The following SF3A3 variants were observed in gnomAD, a reference collection of about 807,000 sequenced individuals.
SF3A3 encodes the protein SAP 61.
Under a neutral mutation model 85.8 loss-of-function variants are expected in SF3A3, and 9 were observed. That is an observed-to-expected ratio of 0.10 (90% CI 0.06 to 0.18). SF3A3 has a LOEUF of 0.18. Among genes scored for constraint, SF3A3 ranks in the 10% least tolerant of loss-of-function variants. The pLI is 1.00. For missense variants in SF3A3, 306 were observed against 593.3 expected (o/e 0.52, Z 5.03); for synonymous variants, 195 against 204.4 (o/e 0.95, Z 0.39).
chr1:37,975,072 T>A (rs558703674), intron 12 of SF3A3, among the ~76,000 whole-genome samples: 1 of 152,062 alleles, frequency 6.6e-6, no homozygotes, highest in African/African-American at 2.4e-5. Flanking sequence ...ATCAAAAAAA[T>A]TTGCATAATG....
chr1:37,989,718 C>T (rs1646482111), intron 1 of SF3A3, 123 bp from the exon 2 acceptor site: 14 of 1,272,078 alleles, frequency 1.1e-5, no homozygotes, highest in Non-Finnish European at 1.5e-5. Flanking sequence ...TCTGGGGCTC[C>T]GGACCCCGGG....
chr1:37,980,251 C>T (rs6699209), intron 8 of SF3A3, among the ~76,000 whole-genome samples: 137,801 of 152,104 alleles, frequency 0.91, 62,559 homozygotes, highest in East Asian at 1. Flanking sequence ...ATGGAGAAAC[C>T]CTGTCCCCAC....
chr1:37,973,048 A>G (rs1646354320), intron 12 of SF3A3, among the ~76,000 whole-genome samples: 1 of 152,060 alleles, frequency 6.6e-6, no homozygotes, highest in Non-Finnish European at 1.5e-5. Context: ...GCATGGTGGC[A>G]CATGCTTGTA....
intron 12 of SF3A3, among the ~76,000 whole-genome samples, chr1:37,973,203 G>GA (rs917734143): frequency 1.3e-5 from 2 of 151,642 alleles, no homozygotes; most frequent in African/African-American, 4.8e-5. Context: ...AAAAGAAAAA[G>GA]AAAAAAAGAC....
chr1:37,960,253 T>A, intron 15 of SF3A3, 78 bp from the exon 16 acceptor site: 2 of 1,342,468 alleles, frequency 1.5e-6, no homozygotes, highest in Non-Finnish European at 2.1e-6. Flanking sequence ...CCTCTCTCCC[T>A]GCCATTAGGA....
chr1:37,958,080 G>T lies in SF3A3; in HGVS notation c.*106C>A, dbSNP rs1314192764. Reference sequence around the variant, plus strand: ...CTACAAGATGCATGCTAGACCATGAGACTACATAGCAAAGGGTCTTTAAGA... The same window carrying T: ...CTACAAGATGCATGCTAGACCATGATACTACATAGCAAAGGGTCTTTAAGA... On this transcript the variant is annotated 3_prime_UTR_variant, in exon 17 of 17. Transcript: ENST00000373019. 7 of 765,142 alleles carry T rather than the reference G, an allele frequency of 9.1e-6. No individual in the cohort carries two copies. The African/African-American group carries it at 1.0e-4, about 11-fold the overall frequency. 47.4% of individuals were successfully genotyped at this position (765,142 alleles called of 1,614,324 possible).
At chr1:37,976,441 T>A (rs963544954) in intron 12 of SF3A3, among the ~76,000 whole-genome samples, 7 of 152,280 alleles carry the variant, frequency 4.6e-5, no homozygotes, top group Admixed American at 4.6e-4. Context: ...CTAGCCCTAC[T>A]AAGTTTCTCA....
intron 11 of SF3A3, 29 bp from the exon 12 acceptor site, chr1:37,976,982 C>A: frequency 6.6e-7 from 1 of 1,503,776 alleles, no homozygotes; most frequent in South Asian, 1.1e-5. Flanking sequence ...CTGTTTCACT[C>A]AAGGATTCTC....
chr1:37,980,227 C>G (rs953011424), intron 8 of SF3A3, among the ~76,000 whole-genome samples: 3 of 152,088 alleles, frequency 2.0e-5, no homozygotes, highest in Admixed American at 2.0e-4. Flanking sequence ...GAATTTGAGA[C>G]CAGCCTGACA....
At chr1:37,962,965 G>A (rs895319160) in intron 15 of SF3A3, among the ~76,000 whole-genome samples, 2 of 151,800 alleles carry the variant, frequency 1.3e-5, no homozygotes, top group Non-Finnish European at 1.5e-5. Context: ...GCGTGCACCT[G>A]TAGTCCCAGC....
chr1:37,970,653 C>CT (rs1646332722), intron 12 of SF3A3, among the ~76,000 whole-genome samples: 2 of 152,202 alleles, frequency 1.3e-5, no homozygotes, highest in African/African-American at 4.8e-5. Flanking sequence ...TTATAACAAA[C>CT]TGTCTCTCAG....
chr1:37,979,568 G>A (rs781704512), intron 8 of SF3A3, 35 bp from the exon 9 acceptor site: 3 of 1,563,564 alleles, frequency 1.9e-6, no homozygotes, highest in Non-Finnish European at 2.6e-6. Context: ...TTAAGATCCA[G>A]GTTTAGGCCA....
rs1404983173 is a variant in SF3A3 at position 37,981,716 on chromosome 1, T to C, written c.551+13A>G. On this transcript the variant is annotated intron_variant, in intron 7 of 16. Coordinates refer to ENST00000373019, the MANE Select transcript of SF3A3 (RefSeq NM_006802.4). ...TCAAATCCAGGAGAGGCCTAGAAAC[T>C]ATTAATGCCTACCTCTTATACTCTG... 14 of 1,463,116 alleles carry C rather than the reference T, an allele frequency of 9.6e-6. No individual in the cohort carries two copies. Among genetic ancestry groups the C allele is most frequent in the Non-Finnish European group, 1.3e-5 (14 of 1,049,500 alleles). 90.6% of individuals were successfully genotyped at this position (1,463,116 alleles called of 1,614,324 possible).
At chr1:37,968,798 A>AG (rs1235301337) in intron 14 of SF3A3, among the ~76,000 whole-genome samples, 1 of 152,224 alleles carries the variant, frequency 6.6e-6, no homozygotes, top group African/African-American at 2.4e-5. Flanking sequence ...TCCTTGGTCT[A>AG]GCATAAATGT....
intron 6 of SF3A3, among the ~76,000 whole-genome samples, chr1:37,982,416 G>A (rs552952291): frequency 2.2e-4 from 33 of 151,716 alleles, no homozygotes; most frequent in Non-Finnish European, 3.8e-4. Flanking sequence ...TGTTGCCCAG[G>A]CTGGAGTGCA....
chr1:37,969,418 T>C lies in SF3A3; in HGVS notation c.1217A>G (p.Tyr406Cys). 1 of 1,612,958 alleles carries C rather than the reference T, an allele frequency of 6.2e-7. No homozygotes were observed. Among genetic ancestry groups the C allele is most frequent in the Non-Finnish European group, 8.5e-7 (1 of 1,179,968 alleles). ...GTAGTTTCCACAAATCTCACAGTTG[T>C]AGTTGATATTTAGGCCATGAAGCTT... ...LYKLHGLNINYNCEICGNYTY... is the reference protein window; with the variant it reads ...LYKLHGLNINCNCEICGNYTY... Residue 406 changes from tyrosine to cysteine, a missense_variant, in exon 14 of 17, where the codon TAC (tyrosine) becomes TGC (cysteine). This residue lies in a region of SF3A3 where 136 missense variants were observed against 296.6 expected (regional missense o/e 0.46). Coordinates refer to ENST00000373019, the MANE Select transcript of SF3A3 (RefSeq NM_006802.4).
chr1:37,974,609 A>G (rs984586133), intron 12 of SF3A3, among the ~76,000 whole-genome samples: 2 of 152,084 alleles, frequency 1.3e-5, no homozygotes, highest in African/African-American at 4.8e-5. Context: ...GCCCAAGATG[A>G]CCACTTTCTA....
chr1:37,968,757 G>C (rs914579547), intron 14 of SF3A3, among the ~76,000 whole-genome samples: 1 of 152,190 alleles, frequency 6.6e-6, no homozygotes, highest in Non-Finnish European at 1.5e-5. Flanking sequence ...ATGACTCAGA[G>C]AGGGGGAGAG....
chr1:37,979,159 A>G, intron 9 of SF3A3, 104 bp from the exon 10 acceptor site: 1 of 878,188 alleles, frequency 1.1e-6, no homozygotes, highest in South Asian at 1.4e-5. Flanking sequence ...GCAGGACCAC[A>G]CATTTCACAG....
Sources: gnomAD v4.1 joint callset for allele counts (sites outside exome capture counted in the v4.1 genomes callset) on GRCh38, gnomAD v4.1.1 for gene constraint, gnomAD v4.1.1 regional missense constraint, MANE v1.5 for transcripts, NCBI Gene and HGNC (gene_info 2026-07-23, HGNC 2026-07-21) for gene names.